Variants in MYO1B observed in about 807,000 individuals in gnomAD.
MYO1B encodes the protein myosin IB.
MYO1B carries 72 observed loss-of-function variants against 159.7 expected under a neutral mutation model. The ratio of observed to expected loss-of-function variants is 0.45; its 90% CI spans 0.37 to 0.55. The LOEUF is 0.55. Among genes scored for constraint, MYO1B ranks in the 20% least tolerant of loss-of-function variants. The pLI, the probability that MYO1B is intolerant of heterozygous loss-of-function variation, is 0.00. For missense variants in MYO1B, 1,062 were observed against 1,364.8 expected (o/e 0.78, Z 3.50); for synonymous variants, 468 against 473.8 (o/e 0.99, Z 0.16).
chr2:191,371,385 A>G (rs965018276), intron 13 of MYO1B, among the ~76,000 whole-genome samples: 4 of 152,214 alleles, frequency 2.6e-5, no homozygotes, highest in African/African-American at 9.6e-5. Flanking sequence ...ATCATATTCT[A>G]TATTTAATAG....
At chr2:191,312,315 C>T (rs1690053371) in intron 3 of MYO1B, among the ~76,000 whole-genome samples, 1 of 152,140 alleles carries the variant, frequency 6.6e-6, no homozygotes, top group Non-Finnish European at 1.5e-5. Context: ...CTTTCACAGA[C>T]ACTCTGGTCT....
At chr2:191,279,793 T>C (rs907934001) in intron 2 of MYO1B, among the ~76,000 whole-genome samples, 6 of 152,196 alleles carry the variant, frequency 3.9e-5, no homozygotes, top group African/African-American at 7.2e-5. Flanking sequence ...TAAGGTCTTA[T>C]AGCTTCATTT....
intron 2 of MYO1B, among the ~76,000 whole-genome samples, chr2:191,281,000 T>C (rs1211586500): frequency 6.6e-6 from 1 of 152,206 alleles, no homozygotes; most frequent in Non-Finnish European, 1.5e-5. Context: ...CTCTGGAGCA[T>C]GGTCGAAGTC....
chr2:191,331,933 T>C (rs994167206), intron 4 of MYO1B, among the ~76,000 whole-genome samples: 2 of 152,112 alleles, frequency 1.3e-5, no homozygotes, highest in African/African-American at 4.8e-5. Flanking sequence ...ACAGAATACT[T>C]GAGATTTGGT....
At chr2:191,277,167 G>C in intron 2 of MYO1B, 137 bp downstream of exon 2, 1 of 1,071,820 alleles carries the variant, frequency 9.3e-7, no homozygotes, top group Non-Finnish European at 1.3e-6. Context: ...CCCTCAGAAA[G>C]AGTTGAGTTT....
At chr2:191,284,170 A>C (rs1688225753) in intron 2 of MYO1B, among the ~76,000 whole-genome samples, 1 of 152,164 alleles carries the variant, frequency 6.6e-6, no homozygotes, top group African/African-American at 2.4e-5. Context: ...ACGAGAGAGG[A>C]GGAAGAGGAA....
intron 21 of MYO1B, 44 bp from the exon 22 acceptor site, chr2:191,400,338 T>C: frequency 6.2e-7 from 1 of 1,601,278 alleles, no homozygotes; most frequent in South Asian, 1.1e-5. Context: ...TGTCAATTCC[T>C]TTATTTTTAA....
At chr2:191,412,470 C>G (rs1302658477) in intron 27 of MYO1B, among the ~76,000 whole-genome samples, 1 of 152,160 alleles carries the variant, frequency 6.6e-6, no homozygotes, top group African/African-American at 2.4e-5. Context: ...GTAGTCTTAT[C>G]AGTTTTCAGG....
rs979242244 is a variant in MYO1B at position 191,254,920 on chromosome 2, GTGTTTTTGTTTT to G, written c.-10+9307_-10+9318del. ...TGTTTCAGGCACCGTACTAGGTACTGTGTTTTTGTTTTTGTTTTTGTTTTAGAGACAGGGTCT... is the reference window on the plus strand; with the variant it reads ...TGTTTCAGGCACCGTACTAGGTACTGTGTTTTTGTTTTAGAGACAGGGTCT... On this transcript the variant is annotated intron_variant, in intron 1 of 30. Transcript: ENST00000392318. 3.0e-4 allele frequency among the ~76,000 whole-genome samples: 46 copies of G among 152,248 alleles called. No individual in the cohort carries two copies. In the Middle Eastern group the frequency reaches 0.02, roughly 68 times the overall value.
In MYO1B at chr2:191,314,999, G is replaced by T. The variant is rs114645812; in HGVS notation, c.252-14936G>T. Among the ~76,000 whole-genome samples the T allele has an allele frequency of 6.0e-3, 909 of 152,230 alleles. 18 individuals carry two copies. The highest frequency in any genetic ancestry group is 0.021 in the African/African-American group (852 of 41,538). ...TGTGTGTGTCTGTTTGCATACTGAA[G>T]ATTTTTCTAGATTTGGTAAGAGTTG... On this transcript the variant is annotated intron_variant, in intron 3 of 30. Transcript: ENST00000392318.
chr2:191,256,805 A>G (rs1028627515), intron 1 of MYO1B, among the ~76,000 whole-genome samples: 5 of 152,320 alleles, frequency 3.3e-5, no homozygotes, highest in Non-Finnish European at 7.3e-5. Context: ...GGCCTGCTCT[A>G]GTGGCATTCA....
intron 1 of MYO1B, among the ~76,000 whole-genome samples, chr2:191,247,616 G>A (rs1685867324): frequency 6.6e-6 from 1 of 152,232 alleles, no homozygotes. Flanking sequence ...TGCTAGGGCA[G>A]CTAACAGAGG....
intron 2 of MYO1B, among the ~76,000 whole-genome samples, chr2:191,287,678 AC>A (rs1445078762): frequency 1.3e-5 from 2 of 152,242 alleles, no homozygotes; most frequent in East Asian, 3.8e-4. Flanking sequence ...TTATGAAATG[AC>A]ATAGGTAGAA....
intron 3 of MYO1B, among the ~76,000 whole-genome samples, chr2:191,296,450 G>A (rs993199196): frequency 5.9e-5 from 9 of 152,186 alleles, no homozygotes; most frequent in Non-Finnish European, 1.2e-4. Context: ...GATTCAGGAT[G>A]TAAAATATTT....
Position 191,343,728 on chromosome 2 carries a change from G to A in MYO1B, c.451+2163G>A, listed in dbSNP as rs1258942400. Reference sequence around the variant, plus strand: ...AATGCTGTAGCCTGCATCTGTGACTGGAATCTGGCTCTTTATTCAGTGGTA... The same window carrying A: ...AATGCTGTAGCCTGCATCTGTGACTAGAATCTGGCTCTTTATTCAGTGGTA... On this transcript the variant is annotated intron_variant, in intron 5 of 30. Coordinates refer to ENST00000392318, the MANE Select transcript of MYO1B (RefSeq NM_001130158.3). Among the ~76,000 whole-genome samples the A allele has an allele frequency of 3.9e-5, 6 of 152,170 alleles. No individual in the cohort carries two copies. In the East Asian group the frequency reaches 1.2e-3, roughly 29 times the overall value.
At chr2:191,319,521 CTATTTG>C (rs1440515095) in intron 3 of MYO1B, among the ~76,000 whole-genome samples, 9 of 152,224 alleles carry the variant, frequency 5.9e-5, no homozygotes, top group South Asian at 2.1e-4. Flanking sequence ...TACTTGTTTT[CTATTTG>C]AAAGTCTAGA....
chr2:191,370,188 C>A, intron 12 of MYO1B, 39 bp from the exon 13 acceptor site: 1 of 1,374,890 alleles, frequency 7.3e-7, no homozygotes, highest in Non-Finnish European at 1.0e-6. Flanking sequence ...TGTTATATTT[C>A]ATGCCTTAAT....
intron 13 of MYO1B, among the ~76,000 whole-genome samples, chr2:191,372,833 T>C (rs1234882010): frequency 6.6e-6 from 1 of 151,854 alleles, no homozygotes; most frequent in African/African-American, 2.4e-5. Flanking sequence ...CTCAACACTG[T>C]TTCAACTAGA....
chr2:191,247,215 C>G (rs866643306), intron 1 of MYO1B, among the ~76,000 whole-genome samples: 1 of 152,144 alleles, frequency 6.6e-6, no homozygotes, highest in Non-Finnish European at 1.5e-5. Context: ...AGGAGACATT[C>G]TGTTGTAGTA....
Sources: allele counts gnomAD v4.1 joint callset (sites outside exome capture counted in the v4.1 genomes callset), GRCh38; gene constraint gnomAD v4.1.1; transcripts MANE v1.5; gene names NCBI Gene and HGNC (gene_info 2026-07-23, HGNC 2026-07-21).